NBAS: variants seen among roughly 807,000 people sequenced by gnomAD.
The protein encoded by NBAS is NAG/BC035112 fusion.
A neutral mutation model predicts 302.5 loss-of-function variants in NBAS; 219 were observed. The observed-to-expected ratio is 0.72, with a 90% CI of 0.65 to 0.81. NBAS has a LOEUF of 0.81. Among genes scored for constraint, NBAS ranks in the 30% least tolerant of loss-of-function variants. NBAS has a pLI of 0.00. For missense variants in NBAS, 2,932 were observed against 2,841.6 expected (o/e 1.03, Z -0.72); for synonymous variants, 1,118 against 1,021.6 (o/e 1.09, Z -1.80).
chr2:15,303,149 C>A (rs1178332006), intron 40 of NBAS, among the ~76,000 whole-genome samples: 1 of 152,142 alleles, frequency 6.6e-6, no homozygotes, highest in Non-Finnish European at 1.5e-5. Context: ...AATAAACTCT[C>A]CTTCATATAT....
the NBAS span, among the ~76,000 whole-genome samples, chr2:14,876,100 A>G: frequency 1.3e-5 from 2 of 152,184 alleles, no homozygotes; most frequent in African/African-American, 2.4e-5. Flanking sequence ...GCCATTCCCA[A>G]TGGATTGCGC....
At chr2:15,557,131 G>C (rs910452807) in intron 2 of NBAS, among the ~76,000 whole-genome samples, 2 of 152,208 alleles carry the variant, frequency 1.3e-5, no homozygotes, top group South Asian at 4.1e-4. Context: ...CCATGGACTA[G>C]AAGTTATAAT....
intron 44 of NBAS, among the ~76,000 whole-genome samples, chr2:15,249,172 A>G (rs1193410348): frequency 6.6e-6 from 1 of 152,170 alleles, no homozygotes; most frequent in Non-Finnish European, 1.5e-5. Context: ...ACTCAAATCA[A>G]TAAACGTAAT....
At chr2:15,180,653 C>A (rs1350717075) in intron 50 of NBAS, among the ~76,000 whole-genome samples, 1 of 152,226 alleles carries the variant, frequency 6.6e-6, no homozygotes, top group African/African-American at 2.4e-5. Context: ...CCTTCTGACA[C>A]AACACACACA....
intron 25 of NBAS, 109 bp from the exon 26 acceptor site, chr2:15,402,410 A>G (rs906151150): frequency 1.9e-6 from 2 of 1,066,986 alleles, no homozygotes; most frequent in African/African-American, 1.6e-5. Context: ...TTAATCAACT[A>G]TAGAAACAAG....
the NBAS span, among the ~76,000 whole-genome samples, chr2:14,961,407 T>C: frequency 6.6e-6 from 1 of 152,078 alleles, no homozygotes; most frequent in East Asian, 1.9e-4. Context: ...TACTGCACTA[T>C]TAGTTCCCAC....
chr2:15,089,993 C>T, the NBAS span, among the ~76,000 whole-genome samples: 3 of 152,082 alleles, frequency 2.0e-5, no homozygotes, highest in Non-Finnish European at 4.4e-5. Context: ...CATGATCCGC[C>T]CACCCCAGCC....
the NBAS span, among the ~76,000 whole-genome samples, chr2:14,813,897 G>T: frequency 6.6e-5 from 10 of 152,094 alleles, no homozygotes; most frequent in African/African-American, 2.4e-4. Context: ...GAAAAAATTT[G>T]GGGGGGCCAG....
chr2:14,929,448 G>A, the NBAS span, among the ~76,000 whole-genome samples: 2 of 152,170 alleles, frequency 1.3e-5, no homozygotes, highest in African/African-American at 4.8e-5. Flanking sequence ...TGCAATCTCG[G>A]CTCACTGCAA....
the NBAS span, among the ~76,000 whole-genome samples, chr2:15,056,101 T>TAA: frequency 0.15 from 22,489 of 147,308 alleles, 1,891 homozygotes; most frequent in East Asian, 0.39. Flanking sequence ...CTCCTGGAAG[T>TAA]AAAAAAAAAA....
Position 15,328,232 on chromosome 2 carries a change from A to G in NBAS, c.4428T>C (p.Tyr1476=). The stretch of plus-strand genomic sequence containing the variant: ...CAAAAGGATTTGAGATGACAGATTC[A>G]TAAAAAGGATGACACCCTTGTTTCT... ...DLEKQGCHPF[Y]ESVISNPFVA... Residue 1476 remains tyrosine (Y), a synonymous_variant, in exon 37 of 52, where the codon TAT becomes TAC. Transcript: ENST00000281513. The G allele has an allele frequency of 6.2e-7, 1 of 1,614,010 alleles. No individual in the cohort carries two copies. Among genetic ancestry groups the G allele is most frequent in the Non-Finnish European group, 8.5e-7 (1 of 1,179,926 alleles).
chr2:15,117,101 A>C, the NBAS span, among the ~76,000 whole-genome samples: 1 of 151,622 alleles, frequency 6.6e-6, no homozygotes, highest in Non-Finnish European at 1.5e-5. Flanking sequence ...CAGATCTTAC[A>C]TGGCAAACTG....
chr2:14,956,013 T>C, the NBAS span, among the ~76,000 whole-genome samples: 2 of 152,218 alleles, frequency 1.3e-5, no homozygotes, highest in Non-Finnish European at 2.9e-5. Flanking sequence ...CTGCAAATTT[T>C]CCAAACTTTT....
chr2:14,795,861 C>T, the NBAS span, among the ~76,000 whole-genome samples: 800 of 152,232 alleles, frequency 5.3e-3, 4 homozygotes, highest in African/African-American at 0.018. Context: ...CATCTCCTGG[C>T]GTGGAGGACA....
chr2:15,415,481 T>C, intron 25 of NBAS, 65 bp downstream of exon 25: 1 of 1,397,450 alleles, frequency 7.2e-7, no homozygotes, highest in Non-Finnish European at 1.0e-6. Flanking sequence ...AAAAATTGTA[T>C]AAATAAAACC....
the NBAS span, among the ~76,000 whole-genome samples, chr2:14,989,293 A>ATGTGTGTGTGTG: frequency 5.5e-3 from 812 of 148,118 alleles, 5 homozygotes; most frequent in African/African-American, 0.013. Flanking sequence ...ATGTATGTGT[A>ATGTGTGTGTGTG]TGTGTGTGTG....
At chr2:14,887,707 C>T in the NBAS span, among the ~76,000 whole-genome samples, 1 of 152,174 alleles carries the variant, frequency 6.6e-6, no homozygotes, top group Admixed American at 6.5e-5. Flanking sequence ...CTGCTAGTCC[C>T]TGTCTAGGCT....
At chr2:15,340,669 T>C (rs1452691130) in intron 35 of NBAS, among the ~76,000 whole-genome samples, 1 of 151,982 alleles carries the variant, frequency 6.6e-6, no homozygotes, top group East Asian at 1.9e-4. Flanking sequence ...AAGGAATGAG[T>C]GTAGACAGAG....
At chr2:15,256,822 T>C (rs1668622846) in intron 44 of NBAS, among the ~76,000 whole-genome samples, 1 of 152,228 alleles carries the variant, frequency 6.6e-6, no homozygotes, top group Non-Finnish European at 1.5e-5. Context: ...GACCATATGA[T>C]TTTTGTTTTT....
Sources: allele counts gnomAD v4.1 joint callset (sites outside exome capture counted in the v4.1 genomes callset), GRCh38; gene constraint gnomAD v4.1.1; transcripts MANE v1.5; gene names NCBI Gene and HGNC (gene_info 2026-07-23, HGNC 2026-07-21).